Variants in KHDRBS3 observed in about 807,000 individuals in gnomAD.
KHDRBS3 encodes KH RNA binding domain containing, signal transduction associated 3.
Under a neutral mutation model 45.6 loss-of-function variants are expected in KHDRBS3, and 23 were observed. The observed-to-expected ratio is 0.50, with a 90% CI of 0.36 to 0.72. The LOEUF (loss-of-function observed/expected upper bound fraction) is 0.72, where lower values mean the gene tolerates loss of function less well. KHDRBS3 is among the 30% of genes least tolerant of loss of function. The probability of loss-of-function intolerance (pLI) is 0.00; values close to 1 mark genes in which losing one functional copy is unlikely to be tolerated. For synonymous variants in KHDRBS3, 162 were observed against 156.5 expected (o/e 1.04, Z -0.26); for missense variants, 352 against 424.8 (o/e 0.83, Z 1.51).
At chr8:135,525,397 C>G (rs1010229739) in intron 2 of KHDRBS3, among the ~76,000 whole-genome samples, 1 of 152,162 alleles carries the variant, frequency 6.6e-6, no homozygotes, top group African/African-American at 2.4e-5. Context: ...CATTTCAGCA[C>G]TATGGTTTTC....
intron 7 of KHDRBS3, chr8:135,625,507 A>G: frequency 1.2e-6 from 1 of 803,388 alleles, no homozygotes; most frequent in Non-Finnish European, 2.2e-6. Flanking sequence ...GCCTCAGGGG[A>G]GCTGCACTGC....
At chr8:135,607,063 C>T in intron 7 of KHDRBS3, 26 bp downstream of exon 7, 1 of 1,542,174 alleles carries the variant, frequency 6.5e-7, no homozygotes, top group Non-Finnish European at 9.0e-7. Flanking sequence ...TATTACCAGA[C>T]CCCACAACAG....
chr8:135,618,402 G>A (rs769534195), intron 7 of KHDRBS3, among the ~76,000 whole-genome samples: 1 of 152,056 alleles, frequency 6.6e-6, no homozygotes, highest in Non-Finnish European at 1.5e-5. Context: ...GGTTCATTTG[G>A]GATGTGTTGA....
intron 1 of KHDRBS3, among the ~76,000 whole-genome samples, chr8:135,515,146 C>A (rs1336438393): frequency 6.6e-6 from 1 of 151,730 alleles, no homozygotes; most frequent in African/African-American, 2.4e-5. Context: ...GCGGGCGGAT[C>A]ACGAGGTCAG....
chr8:135,623,734 T>C (rs1197451043), intron 7 of KHDRBS3, among the ~76,000 whole-genome samples: 1 of 152,202 alleles, frequency 6.6e-6, no homozygotes, highest in African/African-American at 2.4e-5. Flanking sequence ...ACCACTGTCA[T>C]TTGAACAATG....
At chr8:135,566,390 A>G (rs1827415951) in intron 5 of KHDRBS3, among the ~76,000 whole-genome samples, 1 of 152,212 alleles carries the variant, frequency 6.6e-6, no homozygotes, top group African/African-American at 2.4e-5. Context: ...TTGAAATGTT[A>G]TAATAAAGCC....
intron 3 of KHDRBS3, 25 bp from the exon 4 acceptor site, chr8:135,548,729 G>T: frequency 2.0e-6 from 3 of 1,480,452 alleles, no homozygotes; most frequent in East Asian, 2.4e-5. Context: ...GTTTTTAAAT[G>T]TGATTTCTTT....
At position 135,503,848 on chromosome 8, in the gene KHDRBS3, C is replaced by G. The variant is rs190829348; in HGVS notation, c.89-17389C>G. On this transcript the variant is annotated intron_variant, in intron 1 of 8. Transcript: ENST00000355849. The stretch of plus-strand genomic sequence containing the variant: ...AGAATTTGGAGTTACTATAAGGATA[C>G]TTTAGTCTTTTTTTGTGATCAGCAT... 1.3e-3 allele frequency among the ~76,000 whole-genome samples: 193 copies of G among 152,180 alleles called. 1 individual carries two copies. The highest frequency in any genetic ancestry group is 4.4e-3 in the African/African-American group (184 of 41,532).
intron 7 of KHDRBS3, among the ~76,000 whole-genome samples, chr8:135,637,515 G>A (rs945988791): frequency 6.6e-6 from 1 of 152,064 alleles, no homozygotes; most frequent in Non-Finnish European, 1.5e-5. Context: ...AAGGAACGGG[G>A]CAAAATAATC....
At chr8:135,487,497 A>C (rs938576602) in intron 1 of KHDRBS3, among the ~76,000 whole-genome samples, 4 of 152,248 alleles carry the variant, frequency 2.6e-5, no homozygotes, top group Admixed American at 6.5e-5. Flanking sequence ...GTACATAGAC[A>C]TGAAAAATAC....
At chr8:135,477,439 G>C (rs1822348169) in intron 1 of KHDRBS3, among the ~76,000 whole-genome samples, 1 of 152,130 alleles carries the variant, frequency 6.6e-6, no homozygotes, top group Non-Finnish European at 1.5e-5. Context: ...GAAACTAAAA[G>C]TTTCTGACAT....
At chr8:135,631,245 C>A (rs558741200) in intron 7 of KHDRBS3, among the ~76,000 whole-genome samples, 4 of 99,740 alleles carry the variant, frequency 4.0e-5, no homozygotes, top group African/African-American at 1.5e-4. Context: ...AGCGAGACTC[C>A]GTCTCGGAAA....
At chr8:135,499,107 A>G (rs1823602621) in intron 1 of KHDRBS3, among the ~76,000 whole-genome samples, 1 of 152,234 alleles carries the variant, frequency 6.6e-6, no homozygotes, top group South Asian at 2.1e-4. Context: ...GAGGTGGAAC[A>G]TGGCAAAGAA....
At chr8:135,495,763 C>T (rs1823406416) in intron 1 of KHDRBS3, among the ~76,000 whole-genome samples, 1 of 152,062 alleles carries the variant, frequency 6.6e-6, no homozygotes, top group Non-Finnish European at 1.5e-5. Flanking sequence ...TATGGGCCAT[C>T]ACTGGATGGA....
At chr8:135,531,432 T>A (rs1825472697) in intron 2 of KHDRBS3, among the ~76,000 whole-genome samples, 1 of 144,978 alleles carries the variant, frequency 6.9e-6, no homozygotes, top group Admixed American at 6.9e-5. Context: ...ACAAAAAAAA[T>A]CAATAAAAAC....
At chr8:135,486,402 G>A (rs1364622362) in intron 1 of KHDRBS3, among the ~76,000 whole-genome samples, 1 of 152,188 alleles carries the variant, frequency 6.6e-6, no homozygotes, top group Non-Finnish European at 1.5e-5. Context: ...TTTTGCCCTA[G>A]GGCTCATCTG....
chr8:135,551,140 A>G (rs551747196), intron 4 of KHDRBS3, among the ~76,000 whole-genome samples: 13 of 152,294 alleles, frequency 8.5e-5, no homozygotes, highest in African/African-American at 2.2e-4. Flanking sequence ...AATCACTACA[A>G]TGATTAAGTG....
chr8:135,486,086 T>C (rs887651553), intron 1 of KHDRBS3, among the ~76,000 whole-genome samples: 7 of 151,940 alleles, frequency 4.6e-5, no homozygotes, highest in Admixed American at 4.6e-4. Flanking sequence ...TGCCCAGTCA[T>C]GAGGCACTCC....
At chr8:135,618,477 T>C (rs1259097683) in intron 7 of KHDRBS3, among the ~76,000 whole-genome samples, 2 of 152,234 alleles carry the variant, frequency 1.3e-5, no homozygotes, top group Non-Finnish European at 2.9e-5. Context: ...GTTTACATAC[T>C]AATAAGTCAT....
Sources: allele counts gnomAD v4.1 joint callset (sites outside exome capture counted in the v4.1 genomes callset), GRCh38; gene constraint gnomAD v4.1.1; transcripts MANE v1.5; gene names NCBI Gene and HGNC (gene_info 2026-07-23, HGNC 2026-07-21).